Variants in CTNNA3 observed in about 807,000 individuals in gnomAD.
CTNNA3 encodes catenin alpha 3.
In CTNNA3, 76 loss-of-function variants were observed where a neutral mutation model predicts 95.7. That is an observed-to-expected ratio of 0.79 (90% CI 0.66 to 0.96). The LOEUF is 0.96. Ranked by LOEUF, CTNNA3 falls within the 40% of genes least tolerant of loss-of-function variation. The probability of loss-of-function intolerance (pLI) is 0.00; values close to 1 mark genes in which losing one functional copy is unlikely to be tolerated. For missense variants in CTNNA3, 1,191 were observed against 1,089.8 expected (o/e 1.09, Z -1.31); for synonymous variants, 431 against 374.4 (o/e 1.15, Z -1.74).
intron 1 of CTNNA3, among the ~76,000 whole-genome samples, chr10:67,706,892 C>A (rs945342587): frequency 3.3e-5 from 5 of 152,172 alleles, no homozygotes; most frequent in Non-Finnish European, 7.4e-5. Flanking sequence ...ATAAACAATA[C>A]ACACTTCAAA....
intron 17 of CTNNA3, among the ~76,000 whole-genome samples, chr10:65,958,691 G>A (rs918810180): frequency 6.6e-6 from 1 of 152,308 alleles, no homozygotes; most frequent in East Asian, 1.9e-4. Flanking sequence ...ATCACCAGAG[G>A]AGGCTGCAGA....
chr10:67,047,600 C>T (rs10762132), intron 7 of CTNNA3, among the ~76,000 whole-genome samples: 18,321 of 151,954 alleles, frequency 0.12, 1,317 homozygotes, highest in African/African-American at 0.21. Context: ...TTCAGGCTCT[C>T]GTATAGGCAA....
chr10:66,584,208 T>A (rs984680911), intron 10 of CTNNA3, among the ~76,000 whole-genome samples: 1 of 151,918 alleles, frequency 6.6e-6, no homozygotes, highest in African/African-American at 2.4e-5. Flanking sequence ...TTTTCTAGAC[T>A]GAAATTTAAG....
intron 9 of CTNNA3, among the ~76,000 whole-genome samples, chr10:66,678,017 T>C (rs1285409426): frequency 6.6e-6 from 1 of 152,164 alleles, no homozygotes; most frequent in Non-Finnish European, 1.5e-5. Flanking sequence ...GCCAAAACCA[T>C]ACAATCTCAC....
At chr10:66,100,759 A>G (rs2081592727) in intron 14 of CTNNA3, among the ~76,000 whole-genome samples, 1 of 152,238 alleles carries the variant, frequency 6.6e-6, no homozygotes, top group South Asian at 2.1e-4. Context: ...GAACAAAAAT[A>G]CAAATGAAAA....
At chr10:67,075,170 G>GCACACA (rs57260841) in intron 7 of CTNNA3, among the ~76,000 whole-genome samples, 9,919 of 149,692 alleles carry the variant, frequency 0.066, 354 homozygotes, top group South Asian at 0.17. Flanking sequence ...AAGGATTTCT[G>GCACACA]CACACACACA....
chr10:66,355,425 G>A (rs528448994), intron 12 of CTNNA3, among the ~76,000 whole-genome samples: 35 of 152,070 alleles, frequency 2.3e-4, no homozygotes, highest in Admixed American at 3.3e-4. Flanking sequence ...CAGTACCTTC[G>A]ATACATTATA....
chr10:65,966,807 G>A, intron 16 of CTNNA3, 61 bp from the exon 17 acceptor site: 2 of 1,349,582 alleles, frequency 1.5e-6, no homozygotes, highest in Non-Finnish European at 2.1e-6. Context: ...AGATCAAGGT[G>A]AGTAAATACA....
intron 13 of CTNNA3, among the ~76,000 whole-genome samples, chr10:66,108,393 A>T (rs1252793506): frequency 6.6e-6 from 1 of 151,848 alleles, no homozygotes; most frequent in African/African-American, 2.4e-5. Context: ...TTTCCACTTA[A>T]GACTCTTTGT....
At chr10:66,888,272 C>A (rs1050595327) in intron 7 of CTNNA3, among the ~76,000 whole-genome samples, 2 of 152,142 alleles carry the variant, frequency 1.3e-5, no homozygotes, top group African/African-American at 2.4e-5. Context: ...ATCAGTCCCA[C>A]AACCACTTGG....
At chr10:66,124,630 G>T (rs1220116320) in intron 13 of CTNNA3, among the ~76,000 whole-genome samples, 1 of 152,154 alleles carries the variant, frequency 6.6e-6, no homozygotes, top group Non-Finnish European at 1.5e-5. Flanking sequence ...ATTTACAAAA[G>T]AAAGAGGTTT....
chr10:67,683,504 A>G (rs1334256317), intron 1 of CTNNA3, among the ~76,000 whole-genome samples: 2 of 152,230 alleles, frequency 1.3e-5, no homozygotes, highest in African/African-American at 2.4e-5. Context: ...GGGCTCCTCA[A>G]TGAGCTAACT....
intron 9 of CTNNA3, among the ~76,000 whole-genome samples, chr10:66,757,136 G>A (rs774077938): frequency 6.6e-6 from 1 of 152,102 alleles, no homozygotes; most frequent in Non-Finnish European, 1.5e-5. Context: ...CCTTTAGACT[G>A]AGTGTATACT....
chr10:66,379,316 A>T lies in CTNNA3; in HGVS notation c.1568T>A (p.Ile523Lys). 6.2e-7 allele frequency: 1 copy of T among 1,614,110 alleles called. No individual in the cohort carries two copies. Among genetic ancestry groups the T allele is most frequent in the South Asian group, 1.1e-5 (1 of 91,072 alleles). The change falls in exon 12 of 18, where the codon ATA becomes AAA. Residue 523 changes from isoleucine to lysine, a missense_variant. Transcript: ENST00000433211. Reference sequence around the variant, plus strand: ...ATCAGCATCCTGGTCTCTTAAGGCTATGATACACTTGTTGACATCTTCCAA... The same window carrying T: ...ATCAGCATCCTGGTCTCTTAAGGCTTTGATACACTTGTTGACATCTTCCAA... ...HILEDVNKCI[I>K]ALRDQDADNL...
chr10:66,186,281 A>T (rs28613087), intron 13 of CTNNA3, among the ~76,000 whole-genome samples: 3 of 149,550 alleles, frequency 2.0e-5, no homozygotes, highest in South Asian at 2.1e-4. Context: ...ATAAAATGTG[A>T]GTGTGTGTGT....
intron 11 of CTNNA3, among the ~76,000 whole-genome samples, chr10:66,446,784 T>A (rs1326885408): frequency 6.6e-6 from 1 of 152,056 alleles, no homozygotes; most frequent in Non-Finnish European, 1.5e-5. Flanking sequence ...ATGCCCTCTC[T>A]CACCACTCCT....
At chr10:67,287,048 A>T (rs1462975154) in intron 5 of CTNNA3, among the ~76,000 whole-genome samples, 4 of 152,100 alleles carry the variant, frequency 2.6e-5, no homozygotes, top group Non-Finnish European at 5.9e-5. Context: ...AACATGAAAA[A>T]ACATGCTGGG....
At chr10:67,042,125 A>G (rs1306281111) in intron 7 of CTNNA3, among the ~76,000 whole-genome samples, 1 of 152,182 alleles carries the variant, frequency 6.6e-6, no homozygotes, top group Non-Finnish European at 1.5e-5. Context: ...ATGAAAGAAG[A>G]GGATTTTTGG....
At chr10:66,253,373 T>C (rs1031842701) in intron 13 of CTNNA3, among the ~76,000 whole-genome samples, 1 of 152,180 alleles carries the variant, frequency 6.6e-6, no homozygotes, top group African/African-American at 2.4e-5. Context: ...CCTCCCTCTT[T>C]TTTTCAAGCT....
Sources: allele counts gnomAD v4.1 joint callset (sites outside exome capture counted in the v4.1 genomes callset), GRCh38; gene constraint gnomAD v4.1.1; transcripts MANE v1.5; gene names NCBI Gene and HGNC (gene_info 2026-07-23, HGNC 2026-07-21).